GALK1: variants seen among roughly 807,000 people sequenced by gnomAD.
GALK1 encodes the protein galactokinase 1.
Under a neutral mutation model 38.6 loss-of-function variants are expected in GALK1, and 30 were observed. That is an observed-to-expected ratio of 0.78 (90% CI 0.58 to 1.05). GALK1 has a LOEUF of 1.05. GALK1 is among the 50% of genes least tolerant of loss of function. GALK1 has a pLI of 0.00. For missense variants in GALK1, 512 were observed against 540.5 expected (o/e 0.95, Z 0.52); for synonymous variants, 240 against 233.6 (o/e 1.03, Z -0.25).
At chr17:75,756,369 G>A (rs1362543912), downstream of GALK1, 6 of 1,586,880 alleles carry the variant, frequency 3.8e-6, no homozygotes, top group East Asian at 1.3e-4. Context: ...GGACGAGGAG[G>A]ATCAGGCCAG....
At chr17:75,755,705 T>C (rs2061482040), downstream of GALK1, 2 of 1,612,828 alleles carry the variant, frequency 1.2e-6, no homozygotes, top group Non-Finnish European at 1.7e-6. Context: ...CCCCAGACTC[T>C]CGCCTGACTG....
chr17:75,753,790 G>C (rs754708224), downstream of GALK1: 23 of 1,457,518 alleles, frequency 1.6e-5, no homozygotes, highest in African/African-American at 2.7e-4. Flanking sequence ...TCGAGCCCCT[G>C]CTGGGGGAGG....
intron 8 of GALK1, chr17:75,752,240 AC>A (rs751916753): frequency 1.4e-5 from 22 of 1,613,420 alleles, no homozygotes; most frequent in Non-Finnish European, 1.9e-5. Context: ...CTTATTGAGA[AC>A]CTTCGGGAGT....
intron 1 of GALK1, chr17:75,764,692 A>T: frequency 3.4e-6 from 2 of 585,518 alleles, no homozygotes; most frequent in Middle Eastern, 2.7e-4. Context: ...TTTAAGGGGA[A>T]CATGCTCCCA....
Position 75,758,481 on chromosome 17 carries a change from GC to G in GALK1, c.911del (p.Gly304AlafsTer17). 6.3e-7 allele frequency: 1 copy of G among 1,576,084 alleles called. No individual in the cohort carries two copies. The highest frequency in any genetic ancestry group is 1.2e-5 in the South Asian group (1 of 86,530). On this transcript the variant is annotated frameshift_variant, in exon 6 of 8. Coordinates refer to ENST00000588479, the MANE Select transcript of GALK1 (RefSeq NM_000154.2). LOFTEE classifies it high-confidence loss of function. ...AGCGGTGGCTCTCCACCATGAGGCG[GC>G]CAAAGGCTCTGTAGTCGCCACGTCT... ...ALRRGDYRAF[G>X]RLMVESHRSL... is the part of the protein sequence containing the mutation.
chr17:75,755,086 C>G (rs2061463820), downstream of GALK1: 1 of 1,601,254 alleles, frequency 6.2e-7, no homozygotes, highest in Non-Finnish European at 8.5e-7. Context: ...ACGGGAGGAG[C>G]AGGCTTCCGC....
chr17:75,757,238 C>T (rs2061536929), downstream of GALK1: 3 of 1,611,992 alleles, frequency 1.9e-6, no homozygotes, highest in Middle Eastern at 1.6e-4. Context: ...CGGGCTCTTC[C>T]AGCACCCGCT....
downstream of GALK1, chr17:75,753,874 C>G: frequency 7.4e-7 from 1 of 1,342,786 alleles, no homozygotes; most frequent in African/African-American, 1.5e-5. Context: ...GCAGCGGGCG[C>G]TCCTCCGACG....
chr17:75,760,420 C>G (rs1200806427), intron 5 of GALK1, among the ~76,000 whole-genome samples: 1 of 151,212 alleles, frequency 6.6e-6, no homozygotes, highest in Non-Finnish European at 1.5e-5. Flanking sequence ...TGTCTCTTGA[C>G]TCTGTAATCC....
Position 75,758,116 on chromosome 17 carries a change from G to A in GALK1, c.1119C>T (p.Gly373=), listed in dbSNP as rs73997615. ...HAMRHIQEHY[G]GTATFYLSQA... ...GAGAGAGGTAGAAGGTGGCAGTCCC[G>A]CCGTAGTGCTCCTGTAAGAGGCGGG... The change falls in exon 8 of 8, where the codon GGC becomes GGT. Residue 373 remains glycine (G), a synonymous_variant. Coordinates refer to ENST00000588479, the MANE Select transcript of GALK1 (RefSeq NM_000154.2). 2,213 of 1,612,686 alleles carry A rather than the reference G, an allele frequency of 1.4e-3. 9 individuals carry two copies. The highest frequency in any genetic ancestry group is 7.9e-3 in the Middle Eastern group (48 of 6,060).
At chr17:75,764,275 T>C (rs758037201) in intron 1 of GALK1, 189 bp from the exon 2 acceptor site, 1 of 767,498 alleles carries the variant, frequency 1.3e-6, no homozygotes, top group Non-Finnish European at 2.4e-6. Flanking sequence ...CCTTAGGTCT[T>C]CAGGGGCGGG....
chr17:75,754,783 A>G (rs1394488533), downstream of GALK1: 1 of 1,612,488 alleles, frequency 6.2e-7, no homozygotes, highest in South Asian at 1.1e-5. Context: ...CTGCCCAGGG[A>G]CTACTCCACC....
At position 75,763,424 on chromosome 17, in the gene GALK1, C is replaced by T. The variant is rs752592319; in HGVS notation, c.371G>A (p.Gly124Asp). 1.2e-6 allele frequency: 2 copies of T among 1,606,018 alleles called. No homozygotes were observed. Among genetic ancestry groups the T allele is most frequent in the Admixed American group, 1.7e-5 (1 of 58,514 alleles). The change falls in exon 3 of 8, where the codon GGC becomes GAC. Residue 124 changes from glycine to aspartate, a missense_variant. Coordinates refer to ENST00000588479, the MANE Select transcript of GALK1 (RefSeq NM_000154.2). The stretch of plus-strand genomic sequence containing the variant: ...TGAGCTGACCACCACTGCACTGAAG[C>T]CAGGGAGGGGGGCAGCTGCAGGGGA... ...IQYYPAAPLPGFSAVVVSSVP... is the reference protein window; with the variant it reads ...IQYYPAAPLPDFSAVVVSSVP...
intron 5 of GALK1, 119 bp from the exon 6 acceptor site, chr17:75,758,718 C>CG: frequency 1.5e-6 from 2 of 1,294,118 alleles, no homozygotes; most frequent in Non-Finnish European, 2.1e-6. Flanking sequence ...TGGAAGGCCG[C>CG]GGGGGCAGGG....
chr17:75,751,792 C>G (rs573768722), intron 8 of GALK1: 1 of 316,362 alleles, frequency 3.2e-6, no homozygotes, highest in Non-Finnish European at 6.1e-6. Flanking sequence ...TCTAGCAGCC[C>G]GAGATCAGAG....
rs1275033976 is a variant in GALK1 at position 75,763,149 on chromosome 17, T to A, written c.476A>T (p.Asp159Val). ...GGCGCGGGCAGCTATTGTGCCCGAG[T>A]CTGCAGTACAGGGTGAGGTGGGGAG... ...TYTFLQQLCP[D>V]SGTIAARAQV... Residue 159 changes from aspartate (D) to valine (V), a missense_variant and splice_region_variant, in exon 4 of 8, where the codon GAC becomes GTC. Physicochemically the swap from Asp to Val is radical, Grantham distance 152. Coordinates refer to ENST00000588479, the MANE Select transcript of GALK1 (RefSeq NM_000154.2). 6.2e-7 allele frequency: 1 copy of A among 1,611,558 alleles called. No homozygotes were observed. The highest frequency in any genetic ancestry group is 2.2e-5 in the East Asian group (1 of 44,858).
intron 1 of GALK1, chr17:75,764,628 C>G (rs549764861): frequency 4.2e-6 from 2 of 471,944 alleles, no homozygotes; most frequent in Non-Finnish European, 4.0e-6. Flanking sequence ...TGGGGCCCCA[C>G]GGTGGCCGGA....
rs753012802 is a variant in GALK1 at position 75,758,142 on chromosome 17, C to T, written c.1108-15G>A. 6.2e-6 allele frequency: 10 copies of T among 1,612,398 alleles called. No individual in the cohort carries two copies. The South Asian group carries it at 1.1e-4, about 18-fold the overall frequency. On this transcript the variant is annotated splice_polypyrimidine_tract_variant and intron_variant, in intron 7 of 7. Coordinates refer to ENST00000588479, the MANE Select transcript of GALK1 (RefSeq NM_000154.2). ...CCGTAGTGCTCCTGTAAGAGGCGGGCTGGGGGTGAGTGGCAGGGCCCCGGG... is the reference window on the plus strand; with the variant it reads ...CCGTAGTGCTCCTGTAAGAGGCGGGTTGGGGGTGAGTGGCAGGGCCCCGGG...
intron 5 of GALK1, among the ~76,000 whole-genome samples, chr17:75,761,571 T>G (rs1258476103): frequency 7.5e-6 from 1 of 134,080 alleles, no homozygotes; most frequent in Non-Finnish European, 1.6e-5. Context: ...GAGCCGAGAT[T>G]GCGCCACTGC....
Sources: allele counts gnomAD v4.1 joint callset (sites outside exome capture counted in the v4.1 genomes callset), GRCh38; gene constraint gnomAD v4.1.1; transcripts MANE v1.5; gene names NCBI Gene and HGNC (gene_info 2026-07-23, HGNC 2026-07-21).